The following FER1L6 variants were observed in gnomAD, a reference collection of about 807,000 sequenced individuals.
FER1L6 encodes the protein fer-1-like protein 6.
FER1L6 carries 177 observed loss-of-function variants against 219.2 expected under a neutral mutation model. The ratio of observed to expected loss-of-function variants is 0.81; its 90% CI spans 0.71 to 0.91. The LOEUF is 0.91. Ranked by LOEUF, FER1L6 falls within the 40% of genes least tolerant of loss-of-function variation. FER1L6 has a pLI of 0.00. For synonymous variants in FER1L6, 768 were observed against 824.3 expected, an observed-to-expected ratio of 0.93 and a Z score of 1.17; for missense variants, 2,153 against 2,259.9, an observed-to-expected ratio of 0.95 and a Z score of 0.96.
chr8:123,926,270 C>T (rs1201773255), intron 1 of FER1L6, among the ~76,000 whole-genome samples: 1 of 152,098 alleles, frequency 6.6e-6, no homozygotes, highest in Admixed American at 6.5e-5. Flanking sequence ...CTTTGCATGA[C>T]GGCCTTCTGA....
chr8:124,024,538 C>T (rs899109386), intron 18 of FER1L6, among the ~76,000 whole-genome samples: 5 of 152,104 alleles, frequency 3.3e-5, no homozygotes, highest in South Asian at 2.1e-4. Context: ...GACATTATTT[C>T]ATTCTTTTTA....
chr8:123,936,239 T>G (rs16899111), intron 1 of FER1L6, among the ~76,000 whole-genome samples: 64,092 of 151,888 alleles, frequency 0.42, 13,931 homozygotes, highest in African/African-American at 0.5. Context: ...GTTTCAAGCA[T>G]AGAACCAGAA....
chr8:124,026,710 A>AT (rs10557059), intron 18 of FER1L6, among the ~76,000 whole-genome samples: 34 of 151,244 alleles, frequency 2.2e-4, no homozygotes, highest in South Asian at 6.3e-4. Context: ...TATAGATGTG[A>AT]TTTTTTTTTT....
rs566659274 is a variant in FER1L6 at position 123,889,643 on chromosome 8, TA to T, written c.-8+37464del. Among the ~76,000 whole-genome samples the T allele has an allele frequency of 7.9e-5, 12 of 152,182 alleles. No individual in the cohort carries two copies. In the East Asian group the frequency reaches 2.3e-3, roughly 29 times the overall value. ...TATAGTTAATACTTAATTCTGTATA[TA>T]AAAAAGGAGATGTGTTTGTAGTAAG... On this transcript the variant is annotated intron_variant, in intron 1 of 40. Transcript: ENST00000522917.
intron 12 of FER1L6, among the ~76,000 whole-genome samples, chr8:123,988,881 G>A (rs931699581): frequency 6.6e-6 from 1 of 152,180 alleles, no homozygotes; most frequent in Non-Finnish European, 1.5e-5. Flanking sequence ...AGGGATGAAA[G>A]TGGGCATCTT....
chr8:123,996,050 T>G (rs2130452595), intron 12 of FER1L6, among the ~76,000 whole-genome samples: 1 of 152,312 alleles, frequency 6.6e-6, no homozygotes, highest in South Asian at 2.1e-4. Flanking sequence ...GTTTTGAATT[T>G]TTAAAGACTT....
chr8:123,921,587 A>T (rs1376638101), intron 1 of FER1L6, among the ~76,000 whole-genome samples: 3 of 146,770 alleles, frequency 2.0e-5, no homozygotes, highest in African/African-American at 7.6e-5. Flanking sequence ...GTTGCCCAGG[A>T]TGGTCTCAAA....
chr8:124,045,631 A>C, intron 20 of FER1L6, 136 bp from the exon 21 acceptor site: 1 of 950,092 alleles, frequency 1.1e-6, no homozygotes, highest in Non-Finnish European at 1.6e-6. Context: ...TTACATAGTC[A>C]CTTGAATATT....
Position 124,070,605 on chromosome 8 carries a change from T to G in FER1L6, c.3966+7T>G. The G allele has an allele frequency of 6.4e-7, 1 of 1,573,116 alleles. No homozygotes were observed. The highest frequency in any genetic ancestry group is 1.2e-5 in the South Asian group (1 of 83,062). ...AGTCATAGGAAAATTTAAGGCAGGT[T>G]CCATTTTTAATCCTTTTATTTGGCT... On this transcript the variant is annotated splice_region_variant and intron_variant, in intron 30 of 40. Coordinates refer to ENST00000522917, the MANE Select transcript of FER1L6 (RefSeq NM_001039112.2).
At chr8:124,036,468 C>G (rs1431659908) in intron 19 of FER1L6, among the ~76,000 whole-genome samples, 2 of 152,202 alleles carry the variant, frequency 1.3e-5, no homozygotes, top group African/African-American at 4.8e-5. Flanking sequence ...CCTGGGAAGA[C>G]TCTTCATCTT....
chr8:124,064,423 T>G lies in FER1L6; in HGVS notation c.3405T>G (p.Ile1135Met). ...CCCAGGATCCCCCAGCAGATCACATTTATGTGGATGTTGAGCCACCTCCCA... is the reference window on the plus strand; with the variant it reads ...CCCAGGATCCCCCAGCAGATCACATGTATGTGGATGTTGAGCCACCTCCCA... ...SSSQDPPADH[I>M]YVDVEPPPTV... The change falls in exon 26 of 41, where the codon ATT (isoleucine) becomes ATG (methionine). Residue 1135 changes from isoleucine to methionine, a missense_variant. Physicochemically the swap from Ile to Met is conservative, Grantham distance 10 (BLOSUM62 1). Coordinates refer to ENST00000522917, the MANE Select transcript of FER1L6 (RefSeq NM_001039112.2). 6.2e-7 allele frequency: 1 copy of G among 1,613,876 alleles called. No homozygotes were observed. The highest frequency in any genetic ancestry group is 1.1e-5 in the South Asian group (1 of 91,012).
intron 10 of FER1L6, 34 bp downstream of exon 10, chr8:123,977,643 T>C (rs1446492283): frequency 6.2e-7 from 1 of 1,601,626 alleles, no homozygotes; most frequent in Admixed American, 1.7e-5. Context: ...GAAAAATGTC[T>C]CAAAATGCTT....
intron 33 of FER1L6, among the ~76,000 whole-genome samples, chr8:124,083,317 T>A (rs769801601): frequency 3.9e-5 from 6 of 152,310 alleles, no homozygotes; most frequent in Non-Finnish European, 8.8e-5. Context: ...AGTGTTTAAG[T>A]GAGAACATGC....
intron 1 of FER1L6, among the ~76,000 whole-genome samples, chr8:123,857,325 C>G (rs1352295124): frequency 6.6e-6 from 1 of 152,066 alleles, no homozygotes; most frequent in Non-Finnish European, 1.5e-5. Context: ...GCATGGGTGA[C>G]AGAGACTCCA....
chr8:123,884,541 T>C lies in FER1L6; in HGVS notation c.-8+32356T>C, dbSNP rs145533855. 6.0e-3 allele frequency among the ~76,000 whole-genome samples: 913 copies of C among 152,338 alleles called. 3 individuals are homozygous for C. Among genetic ancestry groups the C allele is most frequent in the South Asian group, 0.018 (86 of 4,830 alleles). ...CCTTGTGGAGCATTCTAGAATTCTT[T>C]CATGGCAGTTTGCTTCAGCTTTTCT... On this transcript the variant is annotated intron_variant, in intron 1 of 40. Coordinates refer to ENST00000522917, the MANE Select transcript of FER1L6 (RefSeq NM_001039112.2).
chr8:124,117,564 G>A (rs1374678776), intron 39 of FER1L6, among the ~76,000 whole-genome samples: 2 of 152,150 alleles, frequency 1.3e-5, no homozygotes, highest in Admixed American at 6.5e-5. Flanking sequence ...GCTACTCTGA[G>A]TTGGGCCAGA....
intron 1 of FER1L6, among the ~76,000 whole-genome samples, chr8:123,892,609 G>A (rs1292684506): frequency 6.6e-6 from 1 of 152,072 alleles, no homozygotes; most frequent in Non-Finnish European, 1.5e-5. Flanking sequence ...AGATTTAGTT[G>A]GCCTCATGCT....
intron 1 of FER1L6, among the ~76,000 whole-genome samples, chr8:123,908,729 A>G (rs1369964981): frequency 6.6e-6 from 1 of 152,214 alleles, no homozygotes; most frequent in Non-Finnish European, 1.5e-5. Context: ...TTTAGATGCT[A>G]TAGGTAGAGG....
At chr8:124,099,166 A>G (rs1822440885) in intron 37 of FER1L6, among the ~76,000 whole-genome samples, 7 of 152,056 alleles carry the variant, frequency 4.6e-5, no homozygotes, top group Admixed American at 4.6e-4. Context: ...ATCTCCCACT[A>G]TTTTGTCTCT....
Sources: gnomAD v4.1 joint callset for allele counts (sites outside exome capture counted in the v4.1 genomes callset) on GRCh38, gnomAD v4.1.1 for gene constraint, MANE v1.5 for transcripts, NCBI Gene and HGNC (gene_info 2026-07-23, HGNC 2026-07-21) for gene names.